Variants in RBFOX1 observed in about 807,000 individuals in gnomAD.
RBFOX1 encodes the protein RNA binding protein fox-1 homolog 1.
A neutral mutation model predicts 57.7 loss-of-function variants in RBFOX1; 8 were observed. That is an observed-to-expected ratio of 0.14 (90% CI 0.08 to 0.25). The LOEUF (loss-of-function observed/expected upper bound fraction) is 0.25. RBFOX1 is among the 10% of genes least tolerant of loss of function. The pLI, the probability that RBFOX1 is intolerant of heterozygous loss-of-function variation, is 1.00. For missense variants in RBFOX1, 611 were observed against 548.5 expected, an observed-to-expected ratio of 1.11 and a Z score of -1.14; for synonymous variants, 326 against 222.4, an observed-to-expected ratio of 1.47 and a Z score of -4.15.
intron 3 of RBFOX1, among the ~76,000 whole-genome samples, chr16:6,828,577 C>T (rs755135936): frequency 6.6e-6 from 1 of 151,522 alleles, no homozygotes; most frequent in Admixed American, 6.6e-5. Context: ...GTGGGCTGAT[C>T]AGATCCTGAA....
At chr16:6,939,591 A>C (rs1316864093) in intron 3 of RBFOX1, among the ~76,000 whole-genome samples, 1 of 150,748 alleles carries the variant, frequency 6.6e-6, no homozygotes, top group Non-Finnish European at 1.5e-5. Context: ...AGCTCACTGC[A>C]ACCTCTCCCT....
At chr16:5,331,906 AG>A (rs1193101900) in intron 1 of RBFOX1, among the ~76,000 whole-genome samples, 1 of 152,216 alleles carries the variant, frequency 6.6e-6, no homozygotes, top group Non-Finnish European at 1.5e-5. Flanking sequence ...TCCATCTAAA[AG>A]CCTCTTGACC....
chr16:5,517,954 G>GTA (rs1269598423), intron 2 of RBFOX1, among the ~76,000 whole-genome samples: 2 of 151,902 alleles, frequency 1.3e-5, no homozygotes, highest in Admixed American at 1.3e-4. Flanking sequence ...GTGTGTGTGT[G>GTA]TGTGTGTGTA....
At chr16:5,387,113 G>C (rs2066279707) in intron 1 of RBFOX1, among the ~76,000 whole-genome samples, 1 of 152,190 alleles carries the variant, frequency 6.6e-6, no homozygotes, top group Non-Finnish European at 1.5e-5. Context: ...ACTTAGGCTT[G>C]AGCTGTCTCC....
At chr16:5,847,213 G>C (rs965396361) in intron 3 of RBFOX1, among the ~76,000 whole-genome samples, 25 of 152,192 alleles carry the variant, frequency 1.6e-4, no homozygotes, top group Admixed American at 1.6e-3. Context: ...AAACACATGA[G>C]CATTTTGGAG....
intron 1 of RBFOX1, among the ~76,000 whole-genome samples, chr16:6,227,114 ACT>A (rs1468339145): frequency 6.6e-6 from 1 of 151,442 alleles, no homozygotes; most frequent in Non-Finnish European, 1.5e-5. Context: ...ACAGGGCGAG[ACT>A]CTGTCTCAAG....
intron 4 of RBFOX1, among the ~76,000 whole-genome samples, chr16:7,319,547 G>A (rs1027871578): frequency 2.2e-4 from 34 of 152,240 alleles, no homozygotes; most frequent in Admixed American, 1.4e-3. Flanking sequence ...CTGCAGCAGT[G>A]GGATTTCTCT....
Position 7,050,390 on chromosome 16 carries a change from T to G in RBFOX1, c.-15-1667T>G, listed in dbSNP as rs145011992. On this transcript the variant is annotated intron_variant, in intron 3 of 15. Coordinates refer to ENST00000550418, the MANE Select transcript of RBFOX1 (RefSeq NM_018723.4). ...AAGTGATTCTCCTGCTTCAGCCAAC[T>G]GAGTAGCTGGGATTACAGATGCCCA... 6.6e-3 allele frequency among the ~76,000 whole-genome samples: 1,002 copies of G among 151,828 alleles called. 11 individuals carry two copies. Among genetic ancestry groups the G allele is most frequent in the African/African-American group, 0.023 (947 of 41,420 alleles).
chr16:6,713,977 A>G (rs1568323441), intron 3 of RBFOX1, among the ~76,000 whole-genome samples: 1 of 152,218 alleles, frequency 6.6e-6, no homozygotes, highest in Non-Finnish European at 1.5e-5. Flanking sequence ...TGATACGGTT[A>G]GGCTTTGTGT....
rs569566246 is a variant in RBFOX1, at chr16:6,021,403, A to G, written c.-127+1411A>G. On this transcript the variant is annotated intron_variant, in intron 1 of 15. Transcript: ENST00000550418. ...GGATTCTTTCAATTTTTAAGTGACC[A>G]CAGAGGCCCCGGCTGGAGCTACTGG... is the stretch of plus-strand genomic sequence containing the variant. Among the ~76,000 whole-genome samples, 13 of 152,274 alleles carry G rather than the reference A, an allele frequency of 8.5e-5. No individual in the cohort carries two copies. The East Asian group carries it at 2.3e-3, about 27-fold the overall frequency.
chr16:7,165,621 G>A (rs932376436), intron 4 of RBFOX1, among the ~76,000 whole-genome samples: 1 of 151,610 alleles, frequency 6.6e-6, no homozygotes, highest in African/African-American at 2.4e-5. Context: ...TAGAGATGAA[G>A]TTTCTCCACG....
At chr16:6,634,735 T>TTGTATTAAATATATAACACAAAGA (rs1165833382) in intron 2 of RBFOX1, among the ~76,000 whole-genome samples, 1 of 140,976 alleles carries the variant, frequency 7.1e-6, no homozygotes, top group African/African-American at 2.6e-5. Context: ...AAAGATATAT[T>TTGTATTAAATATATAACACAAAGA]TGTATTAAAT....
intron 3 of RBFOX1, among the ~76,000 whole-genome samples, chr16:7,007,712 A>G (rs1386247656): frequency 1.3e-5 from 2 of 152,120 alleles, no homozygotes; most frequent in East Asian, 3.9e-4. Context: ...TAATTTCTTG[A>G]CTATACAGGG....
chr16:5,388,805 G>C (rs1010035024), intron 1 of RBFOX1, among the ~76,000 whole-genome samples: 1 of 151,796 alleles, frequency 6.6e-6, no homozygotes, highest in African/African-American at 2.4e-5. Flanking sequence ...TCGAGCTCCT[G>C]ACCTCAGATG....
At chr16:7,076,572 G>T (rs966086710) in intron 4 of RBFOX1, among the ~76,000 whole-genome samples, 3 of 152,180 alleles carry the variant, frequency 2.0e-5, no homozygotes, top group African/African-American at 4.8e-5. Flanking sequence ...GATGCCTGCA[G>T]ATACTTGAAT....
intron 1 of RBFOX1, among the ~76,000 whole-genome samples, chr16:5,307,571 G>A (rs569060365): frequency 9.9e-5 from 15 of 152,254 alleles, no homozygotes; most frequent in African/African-American, 2.6e-4. Context: ...CAGACATTTT[G>A]ATGCAGTCAC....
Position 6,241,513 on chromosome 16 carries a change from T to C in RBFOX1, c.-126-75482T>C, listed in dbSNP as rs1355951400. ...GGATTCTTTTGAAAGATAATTTTCC[T>C]CGTAAGTAATTTCTATGAGCAAGAG... is the stretch of plus-strand genomic sequence containing the variant. On this transcript the variant is annotated intron_variant, in intron 1 of 15. Transcript: ENST00000550418. Among the ~76,000 whole-genome samples, 6 of 152,312 alleles carry C rather than the reference T, an allele frequency of 3.9e-5. No individual in the cohort carries two copies. In the South Asian group the frequency reaches 1.0e-3, roughly 26 times the overall value.
chr16:7,436,674 A>G (rs904263768), intron 4 of RBFOX1, among the ~76,000 whole-genome samples: 3 of 152,184 alleles, frequency 2.0e-5, no homozygotes, highest in African/African-American at 7.2e-5. Context: ...TGAGGATGAG[A>G]TGTCCTGAGC....
intron 3 of RBFOX1, among the ~76,000 whole-genome samples, chr16:5,711,000 C>A (rs2151507291): frequency 6.6e-6 from 1 of 152,080 alleles, no homozygotes. Flanking sequence ...TGTGCCTGAC[C>A]CTAGGGTAAG....
Sources: gnomAD v4.1 joint callset for allele counts (sites outside exome capture counted in the v4.1 genomes callset) on GRCh38, gnomAD v4.1.1 for gene constraint, MANE v1.5 for transcripts, NCBI Gene and HGNC (gene_info 2026-07-23, HGNC 2026-07-21) for gene names.